Variants in GALNT13 observed in about 807,000 individuals in gnomAD.
GALNT13 encodes the protein polypeptide N-acetylgalactosaminyltransferase 13, also known as UDP-GalNAc:polypeptide N-acetylgalactosaminyltransferase 13.
GALNT13 carries 28 observed loss-of-function variants against 64.2 expected under a neutral mutation model. That is an observed-to-expected ratio of 0.44 (90% confidence interval 0.32 to 0.60). The LOEUF (loss-of-function observed/expected upper bound fraction) is 0.60, where lower values mean the gene tolerates loss of function less well. Ranked by LOEUF, GALNT13 falls within the 20% of genes least tolerant of loss-of-function variation. The pLI is 0.05. For missense variants in GALNT13, 577 were observed against 669.8 expected, an observed-to-expected ratio of 0.86 and a Z score of 1.53; for synonymous variants, 214 against 224.6, an observed-to-expected ratio of 0.95 and a Z score of 0.42.
chr2:153,110,569 C>T, the GALNT13 span, among the ~76,000 whole-genome samples: 1 of 152,034 alleles, frequency 6.6e-6, no homozygotes, highest in Admixed American at 6.6e-5. Flanking sequence ...GCTTTTGTTC[C>T]TAACTCTCCC....
intron 2 of GALNT13, among the ~76,000 whole-genome samples, chr2:153,906,122 A>G (rs192669971): frequency 6.6e-6 from 1 of 151,986 alleles, no homozygotes; most frequent in East Asian, 1.9e-4. Context: ...GAACCATGGA[A>G]GGCAAAACCA....
the GALNT13 span, among the ~76,000 whole-genome samples, chr2:153,637,240 C>G: frequency 1.3e-5 from 2 of 151,960 alleles, no homozygotes; most frequent in Admixed American, 6.6e-5. Context: ...TGTATTAATT[C>G]CCTTTGAAGT....
chr2:154,113,647 T>C (rs1169510538), intron 3 of GALNT13, among the ~76,000 whole-genome samples: 1 of 152,202 alleles, frequency 6.6e-6, no homozygotes, highest in Non-Finnish European at 1.5e-5. Flanking sequence ...GTCTCACCAA[T>C]AAGTCTAGTG....
At position 154,245,866 on chromosome 2, in the gene GALNT13, T is replaced by C; in HGVS notation, c.741T>C (p.Tyr247=). ...IDVISDDTFE[Y]MAGSDMTYGG... ...TGATTAGTGATGATACTTTTGAATA[T>C]ATGGCTGGGTCAGACATGACTTATG... The change falls in exon 7 of 13, where the codon TAT becomes TAC. Residue 247 remains tyrosine (Y), a synonymous_variant. Transcript: ENST00000392825. The C allele has an allele frequency of 6.2e-7, 1 of 1,612,916 alleles. No homozygotes were observed. Among genetic ancestry groups the C allele is most frequent in the Non-Finnish European group, 8.5e-7 (1 of 1,179,072 alleles).
intron 3 of GALNT13, among the ~76,000 whole-genome samples, chr2:153,995,145 A>C (rs1473318): frequency 0.76 from 116,069 of 151,788 alleles, 44,769 homozygotes; most frequent in East Asian, 0.96. Flanking sequence ...CATCTAATAT[A>C]GTTTAGTTAT....
chr2:153,611,006 T>G, the GALNT13 span, among the ~76,000 whole-genome samples: 2 of 152,118 alleles, frequency 1.3e-5, no homozygotes, highest in African/African-American at 2.4e-5. Flanking sequence ...ATAGAAAGCC[T>G]AGGAACACAC....
rs543252969 is a variant in GALNT13 at position 154,428,402 on chromosome 2, T to A, written c.1396-10190T>A. On this transcript the variant is annotated intron_variant, in intron 11 of 12. Transcript: ENST00000392825. ...TCCTGATGAACTCGCACAAGAAAAG[T>A]ATTTTATAATTTAAATGTAGGGAAA... is the stretch of plus-strand genomic sequence containing the variant. Among the ~76,000 whole-genome samples the A allele has an allele frequency of 1.3e-3, 201 of 152,334 alleles. 1 individual carries two copies. The highest frequency in any genetic ancestry group is 6.5e-3 in the Admixed American group (100 of 15,294).
the GALNT13 span, among the ~76,000 whole-genome samples, chr2:153,441,753 A>G: frequency 6.6e-5 from 10 of 151,962 alleles, no homozygotes; most frequent in East Asian, 1.9e-4. Flanking sequence ...CTGCTTGTCT[A>G]TTATTGGTAT....
At chr2:153,608,789 A>C in the GALNT13 span, among the ~76,000 whole-genome samples, 2 of 147,850 alleles carry the variant, frequency 1.4e-5, no homozygotes, top group Non-Finnish European at 3.0e-5. Flanking sequence ...TAAACTATGA[A>C]TTATATATTT....
intron 11 of GALNT13, chr2:154,409,361 AGAG>A (rs948992899): frequency 6.3e-5 from 23 of 363,476 alleles, no homozygotes; most frequent in African/African-American, 4.8e-4. Context: ...TTAGCAAATG[AGAG>A]GAGTACATTT....
chr2:153,949,613 T>C (rs770065086), intron 3 of GALNT13, among the ~76,000 whole-genome samples: 22 of 151,740 alleles, frequency 1.4e-4, no homozygotes, highest in Non-Finnish European at 2.6e-4. Flanking sequence ...ATACTAAAAT[T>C]CTAATAGAAT....
intron 4 of GALNT13, among the ~76,000 whole-genome samples, chr2:154,180,213 A>G (rs983086536): frequency 6.6e-6 from 1 of 152,132 alleles, no homozygotes; most frequent in African/African-American, 2.4e-5. Context: ...CTTTTTATTC[A>G]GTGACTCTTT....
At chr2:154,256,546 G>A (rs1690385813) in intron 7 of GALNT13, among the ~76,000 whole-genome samples, 1 of 152,114 alleles carries the variant, frequency 6.6e-6, no homozygotes, top group Non-Finnish European at 1.5e-5. Flanking sequence ...AGTTCTAAAT[G>A]GTTTTGAAAC....
At chr2:153,685,298 C>T in the GALNT13 span, among the ~76,000 whole-genome samples, 1 of 151,850 alleles carries the variant, frequency 6.6e-6, no homozygotes, top group Non-Finnish European at 1.5e-5. Context: ...CTTGTATACT[C>T]CTTTTTCTCC....
chr2:153,149,418 T>C, the GALNT13 span, among the ~76,000 whole-genome samples: 2 of 151,872 alleles, frequency 1.3e-5, no homozygotes, highest in Admixed American at 1.3e-4. Flanking sequence ...ACCAACAGAA[T>C]GAGTTCTGGA....
chr2:153,550,167 C>T, the GALNT13 span, among the ~76,000 whole-genome samples: 1 of 151,912 alleles, frequency 6.6e-6, no homozygotes, highest in Admixed American at 6.6e-5. Flanking sequence ...ATTTCTTATT[C>T]TATTATCTGT....
intron 9 of GALNT13, among the ~76,000 whole-genome samples, chr2:154,353,791 A>G (rs1040007895): frequency 6.6e-6 from 1 of 152,076 alleles, no homozygotes; most frequent in African/African-American, 2.4e-5. Flanking sequence ...GGATGGGTAT[A>G]TATATGCCAC....
intron 12 of GALNT13, among the ~76,000 whole-genome samples, chr2:154,443,124 G>T (rs1363735578): frequency 6.6e-6 from 1 of 152,058 alleles, no homozygotes; most frequent in Non-Finnish European, 1.5e-5. Flanking sequence ...GCATTCCTAA[G>T]AAAAACAATG....
chr2:154,301,175 A>G (rs1336003497), intron 8 of GALNT13, among the ~76,000 whole-genome samples: 1 of 152,214 alleles, frequency 6.6e-6, no homozygotes, highest in Non-Finnish European at 1.5e-5. Context: ...TCTAATAAAG[A>G]GACATACATT....
Sources: allele counts gnomAD v4.1 joint callset (sites outside exome capture counted in the v4.1 genomes callset), GRCh38; gene constraint gnomAD v4.1.1; transcripts MANE v1.5; gene names NCBI Gene and HGNC (gene_info 2026-07-23, HGNC 2026-07-21).